Variants in FERMT1 observed in about 807,000 individuals in gnomAD.
The protein encoded by FERMT1 is FERM domain containing kindlin 1.
Under a neutral mutation model 85.3 loss-of-function variants are expected in FERMT1, and 60 were observed. The ratio of observed to expected loss-of-function variants is 0.70; its 90% CI spans 0.57 to 0.87. The LOEUF (loss-of-function observed/expected upper bound fraction) is 0.87. Ranked by LOEUF, FERMT1 falls within the 40% of genes least tolerant of loss-of-function variation. The pLI, the probability that FERMT1 is intolerant of heterozygous loss-of-function variation, is 0.00. For missense variants in FERMT1, 701 were observed against 818.9 expected (o/e 0.86, Z 1.76); for synonymous variants, 275 against 301.1 (o/e 0.91, Z 0.90).
intron 14 of FERMT1, 98 bp from the exon 15 acceptor site, chr20:6,077,444 G>A (rs6053879): frequency 8.6e-7 from 1 of 1,156,914 alleles, no homozygotes; most frequent in Admixed American, 1.9e-5. Context: ...GGGCTGCTGA[G>A]GTGGATAACA....
chr20:6,108,558 C>T (rs1251220342), intron 5 of FERMT1, among the ~76,000 whole-genome samples: 1 of 152,082 alleles, frequency 6.6e-6, no homozygotes, highest in South Asian at 2.1e-4. Flanking sequence ...ACCTGTAATT[C>T]CAGCACCTTG....
intron 13 of FERMT1, among the ~76,000 whole-genome samples, chr20:6,082,822 A>G (rs964268930): frequency 6.6e-6 from 1 of 151,012 alleles, no homozygotes; most frequent in Non-Finnish European, 1.5e-5. Flanking sequence ...CGCCCAGCTA[A>G]TTTTTTTTTG....
At position 6,109,626 on chromosome 20, in the gene FERMT1, G is replaced by A. The variant is rs117537908; in HGVS notation, c.746+672C>T. Among the ~76,000 whole-genome samples the A allele has an allele frequency of 2.0e-3, 298 of 152,248 alleles. 4 individuals are homozygous for A. In the East Asian group the frequency reaches 0.034, roughly 17 times the overall value. ...CTAAAGAGAAGAGCGACAGCTGGGC[G>A]CGGTGGCTCATGCCTGTAATCCCAG... is the stretch of plus-strand genomic sequence containing the variant. On this transcript the variant is annotated intron_variant, in intron 5 of 14. Coordinates refer to ENST00000217289, the MANE Select transcript of FERMT1 (RefSeq NM_017671.5).
chr20:6,122,560 A>T (rs896166015), intron 1 of FERMT1, among the ~76,000 whole-genome samples: 1 of 152,212 alleles, frequency 6.6e-6, no homozygotes, highest in Non-Finnish European at 1.5e-5. Flanking sequence ...ACTCCCATTA[A>T]GGCAGCACCT....
At chr20:6,080,786 C>A (rs1223726838) in intron 13 of FERMT1, among the ~76,000 whole-genome samples, 4 of 152,106 alleles carry the variant, frequency 2.6e-5, no homozygotes, top group African/African-American at 9.7e-5. Flanking sequence ...AGCGGGGAGC[C>A]AGTTTAGGGG....
At chr20:6,121,944 C>T (rs1325942302) in intron 1 of FERMT1, among the ~76,000 whole-genome samples, 2 of 152,210 alleles carry the variant, frequency 1.3e-5, no homozygotes, top group Non-Finnish European at 2.9e-5. Context: ...AAACTCATAA[C>T]TTGGCATTGA....
chr20:6,076,946 C>T lies in FERMT1; in HGVS notation c.*227G>A, dbSNP rs1009810205. The T allele has an allele frequency of 3.5e-5, 20 of 572,364 alleles. No homozygotes were observed. Among genetic ancestry groups the T allele is most frequent in the Non-Finnish European group, 5.0e-5 (16 of 319,640 alleles). 35.5% of individuals were successfully genotyped at this position (572,364 alleles called of 1,614,324 possible). A position where few individuals can be genotyped will look rare whatever the true frequency, so the allele number is the denominator to read the frequency against. ...GGGCACCTGCTTTTCTCCTGCCTAC[C>T]CATTTTATAGAAAAAACAAGAGAGG... On this transcript the variant is annotated 3_prime_UTR_variant, in exon 15 of 15. Coordinates refer to ENST00000217289, the MANE Select transcript of FERMT1 (RefSeq NM_017671.5).
At chr20:6,107,309 T>A (rs566831526) in intron 6 of FERMT1, among the ~76,000 whole-genome samples, 2 of 151,466 alleles carry the variant, frequency 1.3e-5, no homozygotes, top group Admixed American at 1.3e-4. Flanking sequence ...GGCGCAAAGA[T>A]CCTCAGAGAC....
At chr20:6,079,260 T>C (rs1242056887) in intron 14 of FERMT1, among the ~76,000 whole-genome samples, 176 bp downstream of exon 14, 1 of 152,240 alleles carries the variant, frequency 6.6e-6, no homozygotes, top group Non-Finnish European at 1.5e-5. Context: ...GGCCTGTGCC[T>C]GTTAGGAAGC....
intron 11 of FERMT1, among the ~76,000 whole-genome samples, chr20:6,086,354 A>G (rs1027802007): frequency 2.0e-5 from 3 of 152,212 alleles, no homozygotes; most frequent in African/African-American, 7.2e-5. Flanking sequence ...ACTCTAAGGT[A>G]GCAATCATGG....
rs751949898 is a variant in FERMT1 at position 6,085,208 on chromosome 20, G to A, written c.1451C>T (p.Pro484Leu). 2 of 1,614,140 alleles carry A rather than the reference G, an allele frequency of 1.2e-6. No individual in the cohort carries two copies. The highest frequency in any genetic ancestry group is 1.1e-5 in the South Asian group (1 of 91,088). Residue 484 changes from proline to leucine, a missense_variant, in exon 12 of 15, where the codon CCA (proline) becomes CTA (leucine). Physicochemically the swap from Pro to Leu is moderately conservative, Grantham distance 98. Transcript: ENST00000217289. ...GKTMADSSYQ[P>L]EVLNILSFLR... ...AAATGAAAGGATGTTGAGGACCTCT[G>A]GCTGGTAGGAGCTGTCTGCCATGGT... is the stretch of plus-strand genomic sequence containing the variant.
chr20:6,084,138 G>A lies in FERMT1; in HGVS notation c.1620C>T (p.His540=), dbSNP rs778002718. 1.5e-5 allele frequency: 24 copies of A among 1,613,228 alleles called. No homozygotes were observed. The highest frequency in any genetic ancestry group is 7.7e-5 in the South Asian group (7 of 90,924). The change falls in exon 13 of 15, where the codon CAC becomes CAT. Residue 540 remains histidine (H), a synonymous_variant. Coordinates refer to ENST00000217289, the MANE Select transcript of FERMT1 (RefSeq NM_017671.5). ...CCAGGGGCATCTGGGCCACGTTCTG[G>A]TGCGCCTCCAGGATCCGGGCGGCCA... ...KQLAARILEA[H]QNVAQMPLVE... is the part of the protein sequence containing the mutation.
rs959083989 is a variant in FERMT1 at position 6,090,867 on chromosome 20, A to C, written c.1140-1778T>G. 2.0e-5 allele frequency among the ~76,000 whole-genome samples: 3 copies of C among 152,170 alleles called. No homozygotes were observed. In the East Asian group the frequency reaches 5.8e-4, roughly 29 times the overall value. ...CAGGATTAAGAAAAAACACTGTATT[A>C]AAATAGTATTTATTTGCTGGGTGCG... On this transcript the variant is annotated intron_variant, in intron 9 of 14. Coordinates refer to ENST00000217289, the MANE Select transcript of FERMT1 (RefSeq NM_017671.5).
At chr20:6,080,526 T>C (rs960219786) in intron 13 of FERMT1, among the ~76,000 whole-genome samples, 2 of 152,190 alleles carry the variant, frequency 1.3e-5, no homozygotes, top group African/African-American at 4.8e-5. Flanking sequence ...GTTGAAAATT[T>C]AGTGGGATCA....
intron 6 of FERMT1, among the ~76,000 whole-genome samples, chr20:6,103,156 TTAGTCC>T (rs1443484945): frequency 6.6e-6 from 1 of 152,208 alleles, no homozygotes; most frequent in Non-Finnish European, 1.5e-5. Context: ...CAATAAAAAG[TTAGTCC>T]CCCTCTCTAC....
chr20:6,077,291 T>A lies in FERMT1; in HGVS notation c.1916A>T (p.Asp639Val), dbSNP rs756711837. ...VFTAFTCLSADCKIVHEYIGG... is the reference protein window; with the variant it reads ...VFTAFTCLSAVCKIVHEYIGG... Reference sequence around the variant, plus strand: ...AATGTACTCGTGCACAATCTTGCAATCTGCACTCAGGCAGGTGAAAGCAGT... The same window carrying A: ...AATGTACTCGTGCACAATCTTGCAAACTGCACTCAGGCAGGTGAAAGCAGT... Residue 639 changes from aspartate (D) to valine (V), a missense_variant, in exon 15 of 15, where the codon GAT becomes GTT. Physicochemically the swap from Asp to Val is radical, Grantham distance 152. Transcript: ENST00000217289. The A allele has an allele frequency of 1.2e-6, 2 of 1,614,124 alleles. No individual in the cohort carries two copies. Among genetic ancestry groups the A allele is most frequent in the South Asian group, 1.1e-5 (1 of 91,080 alleles).
At position 6,080,903 on chromosome 20, in the gene FERMT1, T is replaced by C. The variant is rs372691242; in HGVS notation, c.1719-1326A>G. Among the ~76,000 whole-genome samples, 6 of 152,298 alleles carry C rather than the reference T, an allele frequency of 3.9e-5. No homozygotes were observed. The East Asian group carries it at 7.7e-4, about 20-fold the overall frequency. ...AAGAGACAGTTCTGGGCTCAAGATA[T>C]ATATTTCAGAGTAATTGGCATATAA... is the stretch of plus-strand genomic sequence containing the variant. On this transcript the variant is annotated intron_variant, in intron 13 of 14. Transcript: ENST00000217289.
At chr20:6,119,372 T>C (rs1983199635) in intron 2 of FERMT1, 32 bp downstream of exon 2, 1 of 1,608,454 alleles carries the variant, frequency 6.2e-7, no homozygotes, top group South Asian at 1.1e-5. Context: ...GGGTTTCTAA[T>C]ACAGAGAAAC....
rs574861007 is a variant in FERMT1, at chr20:6,110,348, C to T, written c.696G>A (p.Ala232=). Residue 232 remains alanine (A), a synonymous_variant, in exon 5 of 15, where the codon GCG becomes GCA. Coordinates refer to ENST00000217289, the MANE Select transcript of FERMT1 (RefSeq NM_017671.5). ...CCAGAGACCGAGGCTGGTACATATCCGCAAGTGCTTCTGGGGACTGGGGGG... is the reference window on the plus strand; with the variant it reads ...CCAGAGACCGAGGCTGGTACATATCTGCAAGTGCTTCTGGGGACTGGGGGG... ...SQPPQSPEAL[A]DMYQPRSLVD... 22 of 1,613,702 alleles carry T rather than the reference C, an allele frequency of 1.4e-5. No individual in the cohort carries two copies. The highest frequency in any genetic ancestry group is 1.2e-4 in the African/African-American group (9 of 75,014).
Sources: allele counts gnomAD v4.1 joint callset (sites outside exome capture counted in the v4.1 genomes callset), GRCh38; gene constraint gnomAD v4.1.1; transcripts MANE v1.5; gene names NCBI Gene and HGNC (gene_info 2026-07-23, HGNC 2026-07-21).